INVS: variants seen among roughly 807,000 people sequenced by gnomAD.
INVS encodes inversin.
A neutral mutation model predicts 108.8 loss-of-function variants in INVS; 86 were observed. The ratio of observed to expected loss-of-function variants is 0.79; its 90% CI spans 0.66 to 0.95. The LOEUF (loss-of-function observed/expected upper bound fraction) is 0.95. Among genes scored for constraint, INVS ranks in the 40% least tolerant of loss-of-function variants. The pLI is 0.00. For missense variants in INVS, 1,169 were observed against 1,297.4 expected (o/e 0.90, Z 1.52); for synonymous variants, 455 against 473.5 (o/e 0.96, Z 0.51).
chr9:100,273,632 G>A (rs773272724), intron 12 of INVS, among the ~76,000 whole-genome samples: 2 of 142,212 alleles, frequency 1.4e-5, no homozygotes, highest in Admixed American at 7.6e-5. Context: ...CCACCTCCCA[G>A]GTTCAAGCAA....
At chr9:100,287,307 T>C (rs952511453) in intron 13 of INVS, among the ~76,000 whole-genome samples, 2 of 152,178 alleles carry the variant, frequency 1.3e-5, no homozygotes, top group African/African-American at 4.8e-5. Flanking sequence ...TCTTGAGAAA[T>C]AGACTCTAGA....
intron 2 of INVS, among the ~76,000 whole-genome samples, chr9:100,114,391 CTTTTTTTTTTTTTT>C (rs67549379): frequency 4.6e-5 from 3 of 64,858 alleles, no homozygotes; most frequent in South Asian, 1.8e-3. Flanking sequence ...AGATTTCTTT[CTTTTTTTTTTTTTT>C]TTTTTTTTTT....
At chr9:100,270,748 C>CAAAAA (rs746291227) in intron 11 of INVS, among the ~76,000 whole-genome samples, 6 of 47,166 alleles carry the variant, frequency 1.3e-4, no homozygotes, top group Admixed American at 2.4e-4. Context: ...AACTCCATCT[C>CAAAAA]AAAAAAAAAA....
chr9:100,270,588 T>A (rs1192384117), intron 11 of INVS, among the ~76,000 whole-genome samples: 2 of 151,256 alleles, frequency 1.3e-5, no homozygotes, highest in African/African-American at 4.9e-5. Context: ...CTACTAAAAA[T>A]ACAAAAAAAA....
At chr9:100,133,168 G>T (rs149592344) in intron 3 of INVS, among the ~76,000 whole-genome samples, 1 of 152,076 alleles carries the variant, frequency 6.6e-6, no homozygotes, top group Non-Finnish European at 1.5e-5. Flanking sequence ...CTAATACCTC[G>T]AAGAGATCAA....
chr9:100,215,075 A>G (rs1363719802), intron 3 of INVS: 3 of 152,164 alleles, frequency 2.0e-5, no homozygotes, highest in African/African-American at 2.4e-5. Context: ...GAAACCTATT[A>G]TGTCTTCCAT....
chr9:100,172,519 A>G (rs1419870517), intron 3 of INVS, among the ~76,000 whole-genome samples: 3 of 152,186 alleles, frequency 2.0e-5, no homozygotes, highest in African/African-American at 4.8e-5. Flanking sequence ...TTTGGAATCT[A>G]TTAATGAGAT....
intron 3 of INVS, among the ~76,000 whole-genome samples, chr9:100,145,826 G>T (rs575580953): frequency 3.3e-5 from 5 of 152,134 alleles, no homozygotes; most frequent in Admixed American, 3.3e-4. Context: ...GATAAAACGC[G>T]TCTCCTGTCT....
chr9:100,191,620 C>T (rs1256354869), intron 3 of INVS, among the ~76,000 whole-genome samples: 3 of 151,992 alleles, frequency 2.0e-5, no homozygotes, highest in African/African-American at 7.2e-5. Context: ...TGGTTTTCAC[C>T]TTTCTCTTGC....
chr9:100,236,574 T>C (rs549746816), intron 5 of INVS, among the ~76,000 whole-genome samples: 1 of 152,212 alleles, frequency 6.6e-6, no homozygotes, highest in Admixed American at 6.5e-5. Flanking sequence ...GTTGATATTA[T>C]TGCTTTCTGT....
At chr9:100,170,324 AGGC>A (rs1009045967) in intron 3 of INVS, among the ~76,000 whole-genome samples, 3 of 151,536 alleles carry the variant, frequency 2.0e-5, no homozygotes, top group African/African-American at 7.3e-5. Context: ...TGGGAGACCA[AGGC>A]CAGAGGATCA....
intron 3 of INVS, among the ~76,000 whole-genome samples, chr9:100,153,005 TTGTGTG>T (rs60860854): frequency 1.2e-3 from 184 of 149,260 alleles, no homozygotes; most frequent in African/African-American, 3.6e-3. Flanking sequence ...TGTTAACTAA[TTGTGTG>T]TGTGTGTGTG....
At chr9:100,127,639 G>A (rs1261293777) in intron 3 of INVS, among the ~76,000 whole-genome samples, 1 of 151,878 alleles carries the variant, frequency 6.6e-6, no homozygotes, top group Non-Finnish European at 1.5e-5. Flanking sequence ...TTAATTAAGG[G>A]GTTAGAAAAA....
At chr9:100,210,852 T>G (rs1213684470) in intron 3 of INVS, among the ~76,000 whole-genome samples, 1 of 152,044 alleles carries the variant, frequency 6.6e-6, no homozygotes, top group African/African-American at 2.4e-5. Context: ...TAAGAAATAT[T>G]AATTCCAAAG....
At chr9:100,128,811 T>C (rs1012886407) in intron 3 of INVS, among the ~76,000 whole-genome samples, 3 of 152,158 alleles carry the variant, frequency 2.0e-5, no homozygotes, top group African/African-American at 7.2e-5. Context: ...CAAACAGATT[T>C]AGTCTATGAA....
intron 11 of INVS, among the ~76,000 whole-genome samples, chr9:100,269,037 C>G (rs191056761): frequency 1.8e-3 from 273 of 152,212 alleles, no homozygotes; most frequent in Non-Finnish European, 3.2e-3. Context: ...TCAAACTTAC[C>G]AAATACGTAT....
intron 3 of INVS, chr9:100,176,137 G>A: frequency 2.3e-6 from 1 of 428,898 alleles, no homozygotes; most frequent in Non-Finnish European, 4.5e-6. Context: ...TCCCTCATAG[G>A]ATTTTACTTG....
chr9:100,181,895 A>G (rs1203845150), intron 3 of INVS, among the ~76,000 whole-genome samples: 1 of 152,192 alleles, frequency 6.6e-6, no homozygotes, highest in Admixed American at 6.6e-5. Flanking sequence ...CCAAAACAGC[A>G]TGATTCTGGT....
At chr9:100,299,555 AACACACACACACACACACACACAC>A (rs55800849) in intron 16 of INVS, among the ~76,000 whole-genome samples, 2 of 125,728 alleles carry the variant, frequency 1.6e-5, no homozygotes, top group African/African-American at 5.9e-5. Context: ...ATTGACACAC[AACACACACACACACACACACACAC>A]ACACACACAC....
Sources: gnomAD v4.1 joint callset for allele counts (sites outside exome capture counted in the v4.1 genomes callset) on GRCh38, gnomAD v4.1.1 for gene constraint, MANE v1.5 for transcripts, NCBI Gene and HGNC (gene_info 2026-07-23, HGNC 2026-07-21) for gene names.